Variants in SGCG observed in about 807,000 individuals in gnomAD.
The protein encoded by SGCG is gamma-sarcoglycan.
SGCG carries 26 observed loss-of-function variants against 29.3 expected under a neutral mutation model. The observed-to-expected ratio is 0.89, with a 90% confidence interval of 0.65 to 1.23. The LOEUF (loss-of-function observed/expected upper bound fraction) is 1.23, where lower values mean the gene tolerates loss of function less well. Ranked by LOEUF, SGCG falls within the 50% of genes most tolerant of loss-of-function variation. The pLI is 0.00. For missense variants in SGCG, 353 were observed against 356.0 expected (o/e 0.99, Z 0.07); for synonymous variants, 145 against 129.7 (o/e 1.12, Z -0.80).
intron 5 of SGCG, among the ~76,000 whole-genome samples, chr13:23,287,867 G>A (rs1031445898): frequency 2.0e-5 from 3 of 152,010 alleles, no homozygotes; most frequent in African/African-American, 7.2e-5. Flanking sequence ...CAATTCCCCT[G>A]CCTCATCCTC....
intron 2 of SGCG, among the ~76,000 whole-genome samples, chr13:23,218,175 T>C (rs1362689149): frequency 6.6e-6 from 1 of 152,194 alleles, no homozygotes; most frequent in African/African-American, 2.4e-5. Flanking sequence ...GGAAAACTAT[T>C]GAAACAAATA....
intron 1 of SGCG, among the ~76,000 whole-genome samples, chr13:23,187,313 C>T (rs928586049): frequency 6.6e-6 from 1 of 152,166 alleles, no homozygotes; most frequent in Admixed American, 6.5e-5. Flanking sequence ...ATCCACAAGC[C>T]TCTTCCTCAG....
At chr13:23,314,896 A>G (rs1882749890) in intron 6 of SGCG, among the ~76,000 whole-genome samples, 1 of 152,158 alleles carries the variant, frequency 6.6e-6, no homozygotes, top group African/African-American at 2.4e-5. Context: ...CACATTCCTC[A>G]TTTGGGTGTG....
intron 4 of SGCG, among the ~76,000 whole-genome samples, chr13:23,256,414 A>C (rs951121161): frequency 1.3e-5 from 2 of 152,214 alleles, no homozygotes; most frequent in African/African-American, 4.8e-5. Flanking sequence ...TTTCTAGGGT[A>C]CATGTGCAAA....
intron 6 of SGCG, among the ~76,000 whole-genome samples, chr13:23,297,324 A>G (rs1881946707): frequency 6.6e-6 from 1 of 152,084 alleles, no homozygotes; most frequent in African/African-American, 2.4e-5. Flanking sequence ...GGAATTAAAG[A>G]CACATACACA....
At chr13:23,292,853 A>G (rs1881768291) in intron 5 of SGCG, among the ~76,000 whole-genome samples, 1 of 152,362 alleles carries the variant, frequency 6.6e-6, no homozygotes, top group East Asian at 1.9e-4. Flanking sequence ...ATATACTTAT[A>G]TAAAATTAAG....
intron 7 of SGCG, 30 bp downstream of exon 7, chr13:23,320,790 T>G: frequency 6.2e-7 from 1 of 1,603,794 alleles, no homozygotes; most frequent in South Asian, 1.1e-5. Flanking sequence ...AGCCTCCTAC[T>G]GTATGTCCTG....
chr13:23,216,341 C>A (rs563276111), intron 2 of SGCG, among the ~76,000 whole-genome samples: 4 of 151,848 alleles, frequency 2.6e-5, no homozygotes, highest in African/African-American at 9.7e-5. Context: ...TAATTTGGTA[C>A]CCAATAAATA....
intron 2 of SGCG, among the ~76,000 whole-genome samples, chr13:23,219,400 T>C (rs1036327794): frequency 2.0e-5 from 3 of 152,222 alleles, no homozygotes; most frequent in Non-Finnish European, 4.4e-5. Context: ...TTTCTAGAAT[T>C]ACTTTTAATG....
chr13:23,324,853 A>G lies in SGCG; in HGVS notation c.*312A>G. On this transcript the variant is annotated 3_prime_UTR_variant, in exon 8 of 8. Transcript: ENST00000218867. ...CCCTATCTTGTCCGTGTGGGCACACACTGAGTGTTGAGTTGCCGTGTGGAG... is the reference window on the plus strand; with the variant it reads ...CCCTATCTTGTCCGTGTGGGCACACGCTGAGTGTTGAGTTGCCGTGTGGAG... The G allele has an allele frequency of 7.7e-6, 3 of 388,926 alleles. No homozygotes were observed. The highest frequency in any genetic ancestry group is 3.6e-5 in the Admixed American group (1 of 27,452). The allele number at this position is 388,926 out of a possible 1,614,324, so 24.1% of individuals were successfully genotyped here.
At chr13:23,273,381 C>T (rs1880941782) in intron 4 of SGCG, among the ~76,000 whole-genome samples, 1 of 152,014 alleles carries the variant, frequency 6.6e-6, no homozygotes, top group South Asian at 2.1e-4. Flanking sequence ...GATAGGGTTT[C>T]ACCACGTTGG....
Position 23,203,877 on chromosome 13 carries a change from G to A in SGCG, c.183G>A (p.Met61Ile), listed in dbSNP as rs1288398934. 3.1e-6 allele frequency: 5 copies of A among 1,609,018 alleles called. No individual in the cohort carries two copies. Among genetic ancestry groups the A allele is most frequent in the Admixed American group, 1.7e-5 (1 of 60,026 alleles). ...LALTIWILKV[M>I]WFSPAGMGHL... ...TTACAATTTGGATTCTTAAAGTGAT[G>A]TGGTTTTCTCCAGTAAGTATCATTA... Residue 61 changes from methionine to isoleucine, a missense_variant, in exon 2 of 8, where the codon ATG (methionine) becomes ATA (isoleucine). Physicochemically the swap from Met to Ile is conservative, Grantham distance 10 (BLOSUM62 1). Coordinates refer to ENST00000218867, the MANE Select transcript of SGCG (RefSeq NM_000231.3).
intron 1 of SGCG, among the ~76,000 whole-genome samples, chr13:23,187,122 C>G (rs1877009337): frequency 6.6e-6 from 1 of 152,192 alleles, no homozygotes; most frequent in Non-Finnish European, 1.5e-5. Context: ...TGGCCTCCCT[C>G]CCTGCCACCA....
intron 1 of SGCG, among the ~76,000 whole-genome samples, chr13:23,185,488 T>C (rs1273756794): frequency 6.6e-6 from 1 of 152,120 alleles, no homozygotes; most frequent in Admixed American, 6.5e-5. Flanking sequence ...CTGCATCCGG[T>C]CCCCGATCAC....
intron 2 of SGCG, among the ~76,000 whole-genome samples, chr13:23,211,980 C>T (rs1212639419): frequency 1.3e-5 from 2 of 152,046 alleles, no homozygotes; most frequent in South Asian, 2.1e-4. Context: ...GGCTTGGCAC[C>T]ATCCCCTTGG....
intron 2 of SGCG, among the ~76,000 whole-genome samples, chr13:23,226,265 A>G (rs1296994092): frequency 6.6e-6 from 1 of 152,240 alleles, no homozygotes; most frequent in East Asian, 1.9e-4. Context: ...TTTGCAAATA[A>G]AAGAAAAAGC....
intron 6 of SGCG, among the ~76,000 whole-genome samples, chr13:23,297,814 G>A (rs1043486045): frequency 2.0e-5 from 3 of 151,692 alleles, no homozygotes; most frequent in Non-Finnish European, 2.9e-5. Flanking sequence ...GCACACTCTC[G>A]GCTTACTGCA....
chr13:23,191,669 G>T (rs887011252), intron 1 of SGCG, among the ~76,000 whole-genome samples: 5 of 152,152 alleles, frequency 3.3e-5, no homozygotes, highest in African/African-American at 1.2e-4. Context: ...TGGTTTATAG[G>T]ATAGCAAAAG....
the SGCG span, among the ~76,000 whole-genome samples, chr13:23,171,969 G>A: frequency 1.3e-5 from 2 of 152,194 alleles, no homozygotes; most frequent in South Asian, 2.1e-4. Flanking sequence ...AAATCAGGGA[G>A]GCCAGGGTTG....
Sources: gnomAD v4.1 joint callset for allele counts (sites outside exome capture counted in the v4.1 genomes callset) on GRCh38, gnomAD v4.1.1 for gene constraint, MANE v1.5 for transcripts, NCBI Gene and HGNC (gene_info 2026-07-23, HGNC 2026-07-21) for gene names.